Variants in LEPR observed in about 807,000 individuals in gnomAD.
LEPR encodes the protein OB receptor.
In LEPR, 56 loss-of-function variants were observed where a neutral mutation model predicts 114.7. The ratio of observed to expected loss-of-function variants is 0.49; its 90% CI spans 0.39 to 0.61. The LOEUF (loss-of-function observed/expected upper bound fraction) is 0.61, where lower values mean the gene tolerates loss of function less well. Ranked by LOEUF, LEPR falls within the 20% of genes least tolerant of loss-of-function variation. LEPR has a pLI of 0.00. For missense variants in LEPR, 1,202 were observed against 1,352.9 expected, an observed-to-expected ratio of 0.89 and a Z score of 1.75; for synonymous variants, 443 against 461.4, an observed-to-expected ratio of 0.96 and a Z score of 0.51.
chr1:65,500,926 T>G (rs1320954923), intron 2 of LEPR, among the ~76,000 whole-genome samples: 1 of 152,144 alleles, frequency 6.6e-6, no homozygotes, highest in East Asian at 1.9e-4. Flanking sequence ...AGAAGTGATT[T>G]CTGTTCTTCT....
At chr1:65,539,233 A>T (rs1252146046) in intron 2 of LEPR, among the ~76,000 whole-genome samples, 1 of 142,714 alleles carries the variant, frequency 7.0e-6, no homozygotes, top group South Asian at 2.3e-4. Context: ...GCCAATACTC[A>T]TTAAAGATTT....
At chr1:65,488,460 T>A (rs944920491) in intron 2 of LEPR, among the ~76,000 whole-genome samples, 4 of 150,718 alleles carry the variant, frequency 2.7e-5, no homozygotes, top group African/African-American at 9.8e-5. Flanking sequence ...GCCTCCCAAG[T>A]AGCTGGGACT....
intron 2 of LEPR, among the ~76,000 whole-genome samples, chr1:65,454,247 C>A (rs1455367460): frequency 6.6e-6 from 1 of 152,178 alleles, no homozygotes; most frequent in Non-Finnish European, 1.5e-5. Context: ...ATTTGCCAGT[C>A]TGTGTCTTTT....
At chr1:65,551,690 C>G (rs926111316) in intron 2 of LEPR, among the ~76,000 whole-genome samples, 1 of 151,976 alleles carries the variant, frequency 6.6e-6, no homozygotes, top group Admixed American at 6.6e-5. Context: ...AAGGGTTTTT[C>G]GTGTCTCTAT....
At chr1:65,629,737 A>G (rs533864102) in intron 19 of LEPR, among the ~76,000 whole-genome samples, 6 of 144,544 alleles carry the variant, frequency 4.2e-5, no homozygotes, top group African/African-American at 1.3e-4. Context: ...CTCCCCTCCC[A>G]TTATATAATC....
At chr1:65,528,255 G>A (rs1416933599) in intron 2 of LEPR, among the ~76,000 whole-genome samples, 6 of 151,886 alleles carry the variant, frequency 4.0e-5, no homozygotes, top group African/African-American at 1.5e-4. Flanking sequence ...GTCCTGTGGA[G>A]TTAAAAATGA....
rs1204265811 is a variant in LEPR, at chr1:65,616,212, C to A, written c.2200C>A (p.Pro734Thr). The change falls in exon 15 of 20, where the codon CCT (proline) becomes ACT (threonine). Residue 734 changes from proline (P) to threonine (T), a missense_variant. Pro to Thr is a conservative substitution (Grantham distance 38, BLOSUM62 -1). Transcript: ENST00000349533. Reference sequence around the variant, plus strand: ...AAATTTTAATTTAACCTTTTCATGGCCTATGAGCAAAGGTAAGAAGAGGTA... The same window carrying A: ...AAATTTTAATTTAACCTTTTCATGGACTATGAGCAAAGGTAAGAAGAGGTA... ...VANFNLTFSWPMSKVNIVQSL... is the reference protein window; with the variant it reads ...VANFNLTFSWTMSKVNIVQSL... The A allele has an allele frequency of 3.1e-6, 5 of 1,613,844 alleles. No individual in the cohort carries two copies. Among genetic ancestry groups the A allele is most frequent in the African/African-American group, 1.3e-5 (1 of 75,032 alleles).
intron 2 of LEPR, among the ~76,000 whole-genome samples, chr1:65,513,470 C>T (rs955000044): frequency 6.6e-6 from 1 of 152,062 alleles, no homozygotes; most frequent in South Asian, 2.1e-4. Context: ...AGAATTAGAA[C>T]CTGGGCTCTG....
chr1:65,488,140 TC>T (rs1211899582), intron 2 of LEPR, among the ~76,000 whole-genome samples: 4 of 115,402 alleles, frequency 3.5e-5, no homozygotes, highest in South Asian at 3.3e-4. Flanking sequence ...CCTCCCTCCC[TC>T]TCCTTCCTTC....
chr1:65,594,760 G>C (rs751712387), intron 6 of LEPR, among the ~76,000 whole-genome samples: 35 of 151,930 alleles, frequency 2.3e-4, no homozygotes, highest in Admixed American at 3.9e-4. Context: ...CCTATTTAGA[G>C]TTCAGGAAGA....
At chr1:65,498,240 A>G (rs1369824630) in intron 2 of LEPR, among the ~76,000 whole-genome samples, 1 of 152,144 alleles carries the variant, frequency 6.6e-6, no homozygotes, top group African/African-American at 2.4e-5. Flanking sequence ...AGTAAGGTAG[A>G]ATTTGCTTTA....
intron 5 of LEPR, among the ~76,000 whole-genome samples, chr1:65,581,383 A>G (rs1009780214): frequency 3.3e-5 from 5 of 151,208 alleles, no homozygotes; most frequent in Middle Eastern, 7.1e-3. Flanking sequence ...AAAGCAGCCC[A>G]TATGCGCATC....
chr1:65,443,440 AAT>A (rs554674806), intron 2 of LEPR, among the ~76,000 whole-genome samples: 13 of 150,248 alleles, frequency 8.7e-5, no homozygotes, highest in Admixed American at 2.0e-4. Context: ...AAATGATTAT[AAT>A]ATATATATAT....
At position 65,633,751 on chromosome 1, in the gene LEPR, T is replaced by C; in HGVS notation, c.2674-2440T>C. The C allele has an allele frequency of 4.1e-6, 4 of 985,400 alleles. No individual in the cohort carries two copies. Among genetic ancestry groups the C allele is most frequent in the Non-Finnish European group, 4.8e-6 (4 of 829,896 alleles). The allele number at this position is 985,400 out of a possible 1,614,324, so 61.0% of individuals were successfully genotyped here. A position where few individuals can be genotyped will look rare whatever the true frequency, so the allele number is the denominator to read the frequency against. ...CTCCTGGCATTTTTGTATCTAACTTTGTTCAATCTGGGAATTTCAGTTTTC... is the reference window on the plus strand; with the variant it reads ...CTCCTGGCATTTTTGTATCTAACTTCGTTCAATCTGGGAATTTCAGTTTTC... On this transcript the variant is annotated intron_variant, in intron 19 of 19. Coordinates refer to ENST00000349533, the MANE Select transcript of LEPR (RefSeq NM_002303.6). The surrounding 1 kb of genome is among the most constrained non-coding windows in gnomAD (Gnocchi z 4.1).
rs182140366 is a variant in LEPR, at chr1:65,632,726, T to G, written c.2674-3465T>G. 1.4e-3 allele frequency among the ~76,000 whole-genome samples: 208 copies of G among 152,298 alleles called. 3 individuals are homozygous for G. Among genetic ancestry groups the G allele is most frequent in the Non-Finnish European group, 5.1e-4 (35 of 68,024 alleles). On this transcript the variant is annotated intron_variant, in intron 19 of 19. Coordinates refer to ENST00000349533, the MANE Select transcript of LEPR (RefSeq NM_002303.6). ...GTAATGAATGGTTCTGTGATTCTAT[T>G]CTTTACCATTTTTAGCACTTCTTTC...
At chr1:65,490,236 G>A (rs1164128326) in intron 2 of LEPR, among the ~76,000 whole-genome samples, 1 of 152,118 alleles carries the variant, frequency 6.6e-6, no homozygotes, top group African/African-American at 2.4e-5. Context: ...ACTGGGGGAT[G>A]CTGCTGTCCA....
At chr1:65,559,859 G>C (rs1653170976) in intron 2 of LEPR, among the ~76,000 whole-genome samples, 1 of 131,930 alleles carries the variant, frequency 7.6e-6, no homozygotes. Context: ...TCAGATAGTT[G>C]TAGGTATGCG....
chr1:65,610,655 A>C (rs556920590), intron 14 of LEPR, among the ~76,000 whole-genome samples: 2 of 152,198 alleles, frequency 1.3e-5, no homozygotes, highest in Non-Finnish European at 2.9e-5. Context: ...AATCCTGAAC[A>C]ATGTAAATGT....
chr1:65,522,577 A>C (rs1458363921), intron 2 of LEPR, among the ~76,000 whole-genome samples: 1 of 152,218 alleles, frequency 6.6e-6, no homozygotes, highest in East Asian at 1.9e-4. Flanking sequence ...CATTCAAATC[A>C]TTATTCGTAA....
Sources: gnomAD v4.1 joint callset for allele counts (sites outside exome capture counted in the v4.1 genomes callset) on GRCh38, gnomAD v4.1.1 for gene constraint, Gnocchi (gnomAD v3.1) non-coding constraint, MANE v1.5 for transcripts, NCBI Gene and HGNC (gene_info 2026-07-23, HGNC 2026-07-21) for gene names.